Variants in SUV39H2 observed in about 807,000 individuals in gnomAD.
SUV39H2 encodes the protein histone-lysine N-methyltransferase SUV39H2.
SUV39H2 carries 10 observed loss-of-function variants against 47.5 expected under a neutral mutation model. That is an observed-to-expected ratio of 0.21 (90% CI 0.13 to 0.36). The LOEUF (loss-of-function observed/expected upper bound fraction) is 0.36, where lower values mean the gene tolerates loss of function less well. Ranked by LOEUF, SUV39H2 falls within the 10% of genes least tolerant of loss-of-function variation. The pLI is 1.00. For synonymous variants in SUV39H2, 159 were observed against 166.8 expected, an observed-to-expected ratio of 0.95 and a Z score of 0.36; for missense variants, 266 against 487.4, an observed-to-expected ratio of 0.55 and a Z score of 4.28.
intron 3 of SUV39H2, chr10:14,898,859 C>CAT (rs1325589509): frequency 4.9e-6 from 1 of 202,116 alleles, no homozygotes; most frequent in Admixed American, 5.9e-5. Context: ...TTTGTAACTG[C>CAT]ATATATATAA....
intron 3 of SUV39H2, chr10:14,898,663 A>G (rs1833775051): frequency 6.6e-6 from 1 of 152,272 alleles, no homozygotes; most frequent in African/African-American, 2.4e-5. Flanking sequence ...TTGGTAACAT[A>G]AAGTACTTTA....
At chr10:14,896,131 T>C (rs953942709) in intron 2 of SUV39H2, among the ~76,000 whole-genome samples, 1 of 152,058 alleles carries the variant, frequency 6.6e-6, no homozygotes, top group Non-Finnish European at 1.5e-5. Context: ...TTAGTAAAGA[T>C]GGGGTTTTCC....
chr10:14,880,063 A>G (rs1832998373), intron 1 of SUV39H2: 1 of 152,050 alleles, frequency 6.6e-6, no homozygotes, highest in Non-Finnish European at 1.5e-5. Flanking sequence ...GATTCCCTTA[A>G]TGAGGTCAGC....
Position 14,897,222 on chromosome 10 carries a change from A to C in SUV39H2, c.554A>C (p.Asn185Thr). The C allele has an allele frequency of 6.2e-7, 1 of 1,613,906 alleles. No homozygotes were observed. Among genetic ancestry groups the C allele is most frequent in the African/African-American group, 1.3e-5 (1 of 75,070 alleles). ...CCAGCTCCTGGAATCAGCTTAGTCAATGAAGCTACCTTTGGTTGTTCATGC... is the reference window on the plus strand; with the variant it reads ...CCAGCTCCTGGAATCAGCTTAGTCACTGAAGCTACCTTTGGTTGTTCATGC... ...YKPAPGISLV[N>T]EATFGCSCTD... The change falls in exon 3 of 6, where the codon AAT becomes ACT. Residue 185 changes from asparagine (N) to threonine (T), a missense_variant. Transcript: ENST00000354919.
Position 14,885,048 on chromosome 10 carries a change from T to C in SUV39H2, c.177+3403T>C, listed in dbSNP as rs114390975. Among the ~76,000 whole-genome samples the C allele has an allele frequency of 2.1e-3, 319 of 152,320 alleles. 1 individual carries two copies. The highest frequency in any genetic ancestry group is 7.3e-3 in the African/African-American group (302 of 41,568). On this transcript the variant is annotated intron_variant, in intron 2 of 5. Transcript: ENST00000354919. ...CTTACTATTCTTTATGAACCTCCTT[T>C]ACTATCTCTTATCTCTCCTCTGAAA... is the stretch of plus-strand genomic sequence containing the variant.
At chr10:14,883,102 C>T (rs1294675363) in intron 2 of SUV39H2, among the ~76,000 whole-genome samples, 3 of 152,072 alleles carry the variant, frequency 2.0e-5, no homozygotes, top group Non-Finnish European at 4.4e-5. Flanking sequence ...CTCCTGACCT[C>T]ATGATCTGCC....
At chr10:14,902,191 AATTC>A (rs1367931120) in intron 5 of SUV39H2, among the ~76,000 whole-genome samples, 5 of 152,236 alleles carry the variant, frequency 3.3e-5, no homozygotes, top group African/African-American at 7.2e-5. Flanking sequence ...CTTTCAAGAC[AATTC>A]ATTATGATTT....
chr10:14,903,417 G>A lies in SUV39H2; in HGVS notation c.*905G>A, dbSNP rs1834151986. The A allele has an allele frequency of 6.6e-6, 1 of 152,206 alleles. No individual in the cohort carries two copies. The highest frequency in any genetic ancestry group is 2.4e-5 in the African/African-American group (1 of 41,450). 9.4% of individuals were successfully genotyped at this position (152,206 alleles called of 1,614,324 possible). ...CAGCTGTACCTAACAATACTGTAAT[G>A]TACATTAACATTACAGCCTCTCAAT... On this transcript the variant is annotated 3_prime_UTR_variant, in exon 6 of 6. Coordinates refer to ENST00000354919, the MANE Select transcript of SUV39H2 (RefSeq NM_001193424.2).
chr10:14,899,693 G>A lies in SUV39H2; in HGVS notation c.996+8G>A, dbSNP rs769240981. On this transcript the variant is annotated splice_region_variant and intron_variant, in intron 4 of 5. Coordinates refer to ENST00000354919, the MANE Select transcript of SUV39H2 (RefSeq NM_001193424.2). ...CATTTTGTGAATCACAGCGTAAGAAGACATACGTAAATTTTAGACACGACT... is the reference window on the plus strand; with the variant it reads ...CATTTTGTGAATCACAGCGTAAGAAAACATACGTAAATTTTAGACACGACT... 3.5e-5 allele frequency: 56 copies of A among 1,612,648 alleles called. No homozygotes were observed. In the South Asian group the frequency reaches 5.6e-4, roughly 16 times the overall value.
At chr10:14,902,293 C>A in intron 5 of SUV39H2, 113 bp from the exon 6 acceptor site, 1 of 578,628 alleles carries the variant, frequency 1.7e-6, no homozygotes, top group Non-Finnish European at 2.9e-6. Context: ...AGGGTCTTGA[C>A]CATGTAAGTA....
At chr10:14,881,368 G>A (rs934106949) in intron 1 of SUV39H2, 132 bp from the exon 2 acceptor site, 1 of 670,550 alleles carries the variant, frequency 1.5e-6, no homozygotes, top group Admixed American at 4.4e-5. Flanking sequence ...ACATGTAACT[G>A]GTTTCTTGTC....
At chr10:14,890,072 A>G (rs1412034729) in intron 2 of SUV39H2, among the ~76,000 whole-genome samples, 2 of 152,200 alleles carry the variant, frequency 1.3e-5, no homozygotes, top group African/African-American at 4.8e-5. Context: ...CCACCTCTAT[A>G]TGGCGTGGCA....
intron 2 of SUV39H2, among the ~76,000 whole-genome samples, chr10:14,886,131 A>G (rs1321475657): frequency 2.0e-5 from 3 of 152,212 alleles, no homozygotes; most frequent in Non-Finnish European, 4.4e-5. Flanking sequence ...GCACTGTTCT[A>G]AGCATTGGAA....
intron 2 of SUV39H2, among the ~76,000 whole-genome samples, chr10:14,884,882 A>G (rs1833155979): frequency 6.6e-6 from 1 of 152,184 alleles, no homozygotes. Context: ...TTATTGTACT[A>G]TTCTTACAGG....
Position 14,898,966 on chromosome 10 carries a change from T to C in SUV39H2, c.850-573T>C, listed in dbSNP as rs112297658. 3.1e-3 allele frequency: 1,466 copies of C among 466,286 alleles called. 22 individuals carry two copies. The highest frequency in any genetic ancestry group is 0.026 in the African/African-American group (1,320 of 51,604). 28.9% of individuals were successfully genotyped at this position (466,286 alleles called of 1,614,324 possible). A position where few individuals can be genotyped will look rare whatever the true frequency, so the allele number is the denominator to read the frequency against. ...TGTCCTGTAGAGAGCTATAGTTGTATAGCTTTTTGAACATCCTAATTATAA... is the reference window on the plus strand; with the variant it reads ...TGTCCTGTAGAGAGCTATAGTTGTACAGCTTTTTGAACATCCTAATTATAA... On this transcript the variant is annotated intron_variant, in intron 3 of 5. Transcript: ENST00000354919.
At chr10:14,879,811 G>A (rs970778622) in intron 1 of SUV39H2, 2 of 152,084 alleles carry the variant, frequency 1.3e-5, no homozygotes, top group African/African-American at 2.4e-5. Context: ...TGTTTGTGGT[G>A]GTCATGAACT....
Position 14,896,866 on chromosome 10 carries a change from A to G in SUV39H2, c.198A>G (p.Val66=), listed in dbSNP as rs749651595. 5.7e-6 allele frequency: 9 copies of G among 1,584,144 alleles called. No individual in the cohort carries two copies. The South Asian group carries it at 1.0e-4, about 18-fold the overall frequency. Residue 66 remains valine, a synonymous_variant, in exon 3 of 6, where the codon GTA becomes GTG. Coordinates refer to ENST00000354919, the MANE Select transcript of SUV39H2 (RefSeq NM_001193424.2). ...TTAAGGATATGGAATATTATCTTGT[A>G]AAATGGAAAGGATGGCCAGATTCTA... The part of the protein sequence containing the change: ...KVVKDMEYYL[V]KWKGWPDSTN...
Position 14,899,699 on chromosome 10 carries a change from C to T in SUV39H2, c.996+14C>T, listed in dbSNP as rs201406856. On this transcript the variant is annotated intron_variant, in intron 4 of 5. Transcript: ENST00000354919. ...GTGAATCACAGCGTAAGAAGACATA[C>T]GTAAATTTTAGACACGACTAACAAT... 112 of 1,612,214 alleles carry T rather than the reference C, an allele frequency of 6.9e-5. No homozygotes were observed. The African/African-American group carries it at 8.8e-4, about 13-fold the overall frequency.
At chr10:14,891,647 G>A (rs1301047575) in intron 2 of SUV39H2, among the ~76,000 whole-genome samples, 2 of 152,154 alleles carry the variant, frequency 1.3e-5, no homozygotes, top group Non-Finnish European at 2.9e-5. Flanking sequence ...ACTTAGTGAT[G>A]ATTGGATTGA....
Sources: gnomAD v4.1 joint callset for allele counts (sites outside exome capture counted in the v4.1 genomes callset) on GRCh38, gnomAD v4.1.1 for gene constraint, MANE v1.5 for transcripts, NCBI Gene and HGNC (gene_info 2026-07-23, HGNC 2026-07-21) for gene names.